NTRK1: variants seen among roughly 807,000 people sequenced by gnomAD.
The protein encoded by NTRK1 is high affinity nerve growth factor receptor.
Under a neutral mutation model 86.8 loss-of-function variants are expected in NTRK1, and 62 were observed. The observed-to-expected ratio is 0.71, with a 90% CI of 0.58 to 0.88. The LOEUF is 0.88. NTRK1 is among the 40% of genes least tolerant of loss of function. The pLI is 0.00. For synonymous variants in NTRK1, 469 were observed against 456.6 expected (o/e 1.03, Z -0.35); for missense variants, 967 against 1,078.4 (o/e 0.90, Z 1.45).
upstream of NTRK1, among the ~76,000 whole-genome samples, chr1:156,857,696 C>G (rs1195534181): frequency 6.6e-6 from 1 of 152,196 alleles, no homozygotes. Flanking sequence ...AGAGGAGACT[C>G]CCCTGCCCCT....
chr1:156,879,175 G>C lies in NTRK1; in HGVS notation c.1859G>C (p.Gly620Ala). Residue 620 changes from glycine to alanine, a missense_variant, in exon 15 of 17, where the codon GGC (glycine) becomes GCC (alanine). Physicochemically the swap from Gly to Ala is moderately conservative, Grantham distance 60 (BLOSUM62 0). This residue lies in a region of NTRK1 where 637 missense variants were observed against 776.5 expected (regional missense o/e 0.82). Coordinates refer to ENST00000524377, the MANE Select transcript of NTRK1 (RefSeq NM_002529.4). ...LLAGGEDVAPGPLGLGQLLAV... is the reference protein window; with the variant it reads ...LLAGGEDVAPAPLGLGQLLAV... ...GCTGGTGGGGAGGATGTGGCTCCAG[G>C]CCCCCTGGGTCTGGGGCAGCTGCTG... 6.2e-7 allele frequency: 1 copy of C among 1,613,116 alleles called. No individual in the cohort carries two copies. The highest frequency in any genetic ancestry group is 8.5e-7 in the Non-Finnish European group (1 of 1,179,198).
At chr1:156,873,437 T>C (rs1313810896) in intron 7 of NTRK1, among the ~76,000 whole-genome samples, 196 bp from the exon 8 acceptor site, 1 of 152,192 alleles carries the variant, frequency 6.6e-6, no homozygotes, top group Non-Finnish European at 1.5e-5. Flanking sequence ...TGCTGCCTGA[T>C]TTATTTAAAA....
chr1:156,832,393 G>T (rs1414623488), intron 1 of NTRK1, among the ~76,000 whole-genome samples: 1 of 152,200 alleles, frequency 6.6e-6, no homozygotes, highest in Non-Finnish European at 1.5e-5. Flanking sequence ...GCAAGGATTT[G>T]GGAGAAGGGG....
intron 6 of NTRK1, among the ~76,000 whole-genome samples, chr1:156,869,913 C>G (rs981982658): frequency 1.9e-4 from 29 of 152,164 alleles, no homozygotes; most frequent in African/African-American, 5.8e-4. Flanking sequence ...GCCTGGGGGG[C>G]TGGGAGCATG....
chr1:156,874,155 C>T (rs567002135), intron 8 of NTRK1, 196 bp downstream of exon 8: 40 of 881,860 alleles, frequency 4.5e-5, no homozygotes, highest in Non-Finnish European at 6.1e-5. Context: ...TGAGCTATTC[C>T]GTCCTTGTCG....
chr1:156,825,151 A>C (rs1045940402), intron 1 of NTRK1, among the ~76,000 whole-genome samples: 2 of 152,070 alleles, frequency 1.3e-5, no homozygotes, highest in Admixed American at 1.3e-4. Context: ...AGCCTCCCAA[A>C]GTGGTGGGAT....
chr1:156,867,862 AC>A (rs1647256173), intron 4 of NTRK1, among the ~76,000 whole-genome samples: 1 of 144,840 alleles, frequency 6.9e-6, no homozygotes, highest in Admixed American at 7.0e-5. Flanking sequence ...TTTAGTAGAG[AC>A]GGGGTTTCAC....
intron 2 of NTRK1, chr1:156,851,229 T>C (rs764660382): frequency 6.2e-7 from 1 of 1,600,206 alleles, no homozygotes. Flanking sequence ...TTCACCACTG[T>C]TCTGGGAGTG....
At chr1:156,841,858 C>T (rs763317193) in intron 1 of NTRK1, 2 of 1,612,082 alleles carry the variant, frequency 1.2e-6, no homozygotes, top group African/African-American at 2.7e-5. Flanking sequence ...AGCTCCTGCC[C>T]CTGGGATACC....
intron 1 of NTRK1, among the ~76,000 whole-genome samples, chr1:156,835,761 A>G (rs1654582760): frequency 6.6e-6 from 1 of 152,322 alleles, no homozygotes; most frequent in East Asian, 1.9e-4. Context: ...ATAGTGCTTT[A>G]TAGCTTACAA....
chr1:156,877,132 C>T (rs946834023), intron 14 of NTRK1, among the ~76,000 whole-genome samples: 20 of 152,258 alleles, frequency 1.3e-4, no homozygotes, highest in Non-Finnish European at 1.5e-4. Flanking sequence ...GCAATTCTCC[C>T]GCCTTAGCCT....
At position 156,874,556 on chromosome 1, in the gene NTRK1, C is replaced by T. The variant is rs1189592073; in HGVS notation, c.1196-15C>T. On this transcript the variant is annotated splice_polypyrimidine_tract_variant and intron_variant, in intron 9 of 16. Coordinates refer to ENST00000524377, the MANE Select transcript of NTRK1 (RefSeq NM_002529.4). ...GTGTGTCAAGGCTCACCCCTCCTGC[C>T]CTGTGTCCCTACAGACACTAACAGC... 1 of 1,613,954 alleles carries T rather than the reference C, an allele frequency of 6.2e-7. No homozygotes were observed. The highest frequency in any genetic ancestry group is 1.7e-5 in the Admixed American group (1 of 60,018).
chr1:156,872,385 T>C (rs1481204028), intron 7 of NTRK1, among the ~76,000 whole-genome samples: 1 of 152,174 alleles, frequency 6.6e-6, no homozygotes, highest in Non-Finnish European at 1.5e-5. Flanking sequence ...AAAATAATTT[T>C]TCTCAAATAT....
chr1:156,816,999 C>T, intron 1 of NTRK1: 1 of 324,242 alleles, frequency 3.1e-6, no homozygotes, highest in Non-Finnish European at 5.6e-6. Flanking sequence ...TGACCTTCAT[C>T]CCTCCAGATT....
At chr1:156,816,905 C>G (rs905677551) in intron 1 of NTRK1, 1 of 445,726 alleles carries the variant, frequency 2.2e-6, no homozygotes. Context: ...CCGGAAGCCA[C>G]GCAGCTGTAG....
At chr1:156,864,326 C>T (rs2102885077) in intron 1 of NTRK1, 28 bp from the exon 2 acceptor site, 1 of 1,613,266 alleles carries the variant, frequency 6.2e-7, no homozygotes, top group African/African-American at 1.3e-5. Context: ...GGCCTGAGCC[C>T]TGTGACTCCC....
intron 2 of NTRK1, chr1:156,845,742 T>TC: frequency 6.2e-7 from 1 of 1,613,572 alleles, no homozygotes; most frequent in Non-Finnish European, 8.5e-7. Context: ...GCAGTCGGAC[T>TC]CCATCTCGGC....
rs906562136 is a variant in NTRK1, at chr1:156,860,933, C to G, written c.-2C>G. 3.4e-5 allele frequency: 49 copies of G among 1,461,754 alleles called. No individual in the cohort carries two copies. The African/African-American group carries it at 6.7e-4, about 20-fold the overall frequency. The allele number at this position is 1,461,754 out of a possible 1,614,324, so 90.5% of individuals were successfully genotyped here. A position where few individuals can be genotyped will look rare whatever the true frequency, so the allele number is the denominator to read the frequency against. ...CGCCTGAGCGAGGCGGGCGCCGCCG[C>G]GATGCTGCGAGGCGGACGGCGCGGG... On this transcript the variant is annotated 5_prime_UTR_variant, in exon 1 of 17. Coordinates refer to ENST00000524377, the MANE Select transcript of NTRK1 (RefSeq NM_002529.4).
At chr1:156,843,607 G>T in intron 2 of NTRK1, 1 of 972,576 alleles carries the variant, frequency 1.0e-6, no homozygotes, top group South Asian at 1.4e-5. Context: ...CTTGGTCAGG[G>T]TGACTCCTGG....
Sources: allele counts gnomAD v4.1 joint callset (sites outside exome capture counted in the v4.1 genomes callset), GRCh38; gene constraint gnomAD v4.1.1; regional missense constraint gnomAD v4.1.1; transcripts MANE v1.5; gene names NCBI Gene and HGNC (gene_info 2026-07-23, HGNC 2026-07-21).